SOX5: variants seen among roughly 807,000 people sequenced by gnomAD.
SOX5 encodes the protein SRY-box transcription factor 5.
A neutral mutation model predicts 92.0 loss-of-function variants in SOX5; 9 were observed. The observed-to-expected ratio is 0.10, with a 90% CI of 0.06 to 0.17. SOX5 has a LOEUF of 0.17. Among genes scored for constraint, SOX5 ranks in the 10% least tolerant of loss-of-function variants. The pLI, the probability that SOX5 is intolerant of heterozygous loss-of-function variation, is 1.00. For missense variants in SOX5, 642 were observed against 944.5 expected (o/e 0.68, Z 4.20); for synonymous variants, 344 against 336.3 (o/e 1.02, Z -0.25).
chr12:23,968,253 C>G (rs1947817202), intron 4 of SOX5, among the ~76,000 whole-genome samples: 1 of 152,164 alleles, frequency 6.6e-6, no homozygotes, highest in Admixed American at 6.5e-5. Flanking sequence ...TATCCACATA[C>G]AGTGTGATCA....
At chr12:24,396,391 G>A (rs923971942) in intron 1 of SOX5, among the ~76,000 whole-genome samples, 2 of 152,190 alleles carry the variant, frequency 1.3e-5, no homozygotes, top group African/African-American at 4.8e-5. Context: ...AACTGATGTT[G>A]TTGTCACTTT....
chr12:24,173,206 CA>C (rs917323038), intron 4 of SOX5, among the ~76,000 whole-genome samples: 2 of 152,212 alleles, frequency 1.3e-5, no homozygotes, highest in Non-Finnish European at 2.9e-5. Flanking sequence ...ATAAATCTTG[CA>C]AACTCTGTCA....
chr12:23,870,524 TAAC>T (rs993654903), intron 2 of SOX5, among the ~76,000 whole-genome samples: 2 of 152,132 alleles, frequency 1.3e-5, no homozygotes, highest in Non-Finnish European at 2.9e-5. Flanking sequence ...AGAAAGCACT[TAAC>T]AAGGCAAATT....
chr12:23,661,395 G>C (rs1374741419), intron 7 of SOX5, among the ~76,000 whole-genome samples: 1 of 152,192 alleles, frequency 6.6e-6, no homozygotes, highest in Non-Finnish European at 1.5e-5. Flanking sequence ...GCCATGTGCT[G>C]CAGGAAGAGG....
At chr12:23,567,068 T>C (rs1947238683) in intron 10 of SOX5, among the ~76,000 whole-genome samples, 1 of 152,218 alleles carries the variant, frequency 6.6e-6, no homozygotes, top group African/African-American at 2.4e-5. Flanking sequence ...TTTCCCTATA[T>C]GTTCACTCTT....
chr12:24,186,953 G>A (rs904109292), intron 4 of SOX5, among the ~76,000 whole-genome samples: 1 of 151,462 alleles, frequency 6.6e-6, no homozygotes, highest in Non-Finnish European at 1.5e-5. Flanking sequence ...AAAAGTAAAA[G>A]TAGGTGAAAA....
intron 4 of SOX5, among the ~76,000 whole-genome samples, chr12:24,193,360 G>C (rs191014024): frequency 1.3e-5 from 2 of 152,336 alleles, no homozygotes; most frequent in Non-Finnish European, 2.9e-5. Flanking sequence ...ACAACCAGCA[G>C]TAAGTCCTCC....
chr12:23,636,785 G>C (rs2079306869), intron 8 of SOX5, among the ~76,000 whole-genome samples: 1 of 152,080 alleles, frequency 6.6e-6, no homozygotes, highest in African/African-American at 2.4e-5. Context: ...TCATTAGCTG[G>C]TTATGAGTTA....
Position 24,199,940 on chromosome 12 carries a change from GA to G in SOX5, c.-2+13402del, listed in dbSNP as rs774967524. Among the ~76,000 whole-genome samples the G allele has an allele frequency of 5.3e-4, 78 of 146,522 alleles. No individual in the cohort carries two copies. In the South Asian group the frequency reaches 0.014, roughly 27 times the overall value. On this transcript the variant is annotated intron_variant, in intron 4 of 4. Transcript: ENST00000446891. ...AAAACTATAGGCAGATTGCTGAAAAGAAAAAAAAAATCAGTAGAATCTTACT... is the reference window on the plus strand; with the variant it reads ...AAAACTATAGGCAGATTGCTGAAAAGAAAAAAAAATCAGTAGAATCTTACT...
In SOX5 at chr12:24,524,469, A is replaced by G. The variant is rs115931959; in HGVS notation, c.-251+37860T>C. On this transcript the variant is annotated intron_variant, in intron 1 of 4. Transcript: ENST00000446891. ...TAGCTAATACACTCTATGTCTGTTA[A>G]GAGGTGAATATCTGAAATATAGAAG... 7.8e-3 allele frequency among the ~76,000 whole-genome samples: 1,189 copies of G among 152,176 alleles called. 16 individuals are homozygous for G. Among genetic ancestry groups the G allele is most frequent in the African/African-American group, 0.028 (1,153 of 41,508 alleles).
intron 4 of SOX5, among the ~76,000 whole-genome samples, chr12:24,148,242 A>G (rs903487136): frequency 6.6e-6 from 1 of 152,160 alleles, no homozygotes; most frequent in Non-Finnish European, 1.5e-5. Context: ...CACGCCTGTA[A>G]TCCCAGCACT....
At chr12:24,276,495 A>G (rs1226162123) in intron 3 of SOX5, among the ~76,000 whole-genome samples, 2 of 152,158 alleles carry the variant, frequency 1.3e-5, no homozygotes, top group African/African-American at 2.4e-5. Context: ...TTCCCTTTCA[A>G]TCTTACTGGT....
chr12:24,116,331 C>T (rs1225987640), intron 4 of SOX5, among the ~76,000 whole-genome samples: 1 of 152,018 alleles, frequency 6.6e-6, no homozygotes, highest in Non-Finnish European at 1.5e-5. Flanking sequence ...ATCAATTATA[C>T]TGAAACACAA....
intron 1 of SOX5, among the ~76,000 whole-genome samples, chr12:24,532,447 T>C (rs1191324100): frequency 1.3e-5 from 2 of 152,182 alleles, no homozygotes; most frequent in African/African-American, 2.4e-5. Flanking sequence ...AGACTTTGCA[T>C]CAAGTTTATA....
intron 1 of SOX5, among the ~76,000 whole-genome samples, chr12:24,481,919 T>TCCTC (rs1198199556): frequency 6.6e-6 from 1 of 152,210 alleles, no homozygotes; most frequent in Non-Finnish European, 1.5e-5. Context: ...TCTTAAAACA[T>TCCTC]CCTTTGATGC....
At chr12:23,853,294 G>A (rs965982270) in intron 2 of SOX5, among the ~76,000 whole-genome samples, 5 of 151,210 alleles carry the variant, frequency 3.3e-5, no homozygotes, top group Admixed American at 6.6e-5. Context: ...AAAATAGATT[G>A]TTTTTAGAAA....
At position 24,302,942 on chromosome 12, in the gene SOX5, C is replaced by CA. The variant is rs201711022; in HGVS notation, c.-173-25631dup. Among the ~76,000 whole-genome samples, 196 of 148,714 alleles carry CA rather than the reference C, an allele frequency of 1.3e-3. 1 individual carries two copies. The highest frequency in any genetic ancestry group is 3.4e-3 in the Middle Eastern group (1 of 292). On this transcript the variant is annotated intron_variant, in intron 2 of 4. Transcript: ENST00000446891. Reference sequence around the variant, plus strand: ...GAAAAACAACAACAGTAACAAAAACCAAAAAAAAACCTGATTTTCTGAAAA... The same window carrying CA: ...GAAAAACAACAACAGTAACAAAAACCAAAAAAAAAACCTGATTTTCTGAAAA...
At chr12:24,374,821 C>G (rs1039856283) in intron 1 of SOX5, among the ~76,000 whole-genome samples, 2 of 152,156 alleles carry the variant, frequency 1.3e-5, no homozygotes, top group African/African-American at 4.8e-5. Flanking sequence ...CAGCCTCCCC[C>G]AAAGATGGTT....
intron 2 of SOX5, among the ~76,000 whole-genome samples, chr12:24,298,561 C>A (rs1223036038): frequency 6.6e-6 from 1 of 152,008 alleles, no homozygotes; most frequent in Non-Finnish European, 1.5e-5. Context: ...ATGTTATACT[C>A]AAATACTATA....
Sources: allele counts gnomAD v4.1 joint callset (sites outside exome capture counted in the v4.1 genomes callset), GRCh38; gene constraint gnomAD v4.1.1; transcripts MANE v1.5; gene names NCBI Gene and HGNC (gene_info 2026-07-23, HGNC 2026-07-21).